Variants in CECR2 observed in about 807,000 individuals in gnomAD.
CECR2 encodes the protein chromatin remodeling regulator CECR2.
CECR2 carries 30 observed loss-of-function variants against 154.5 expected under a neutral mutation model. The ratio of observed to expected loss-of-function variants is 0.19; its 90% confidence interval spans 0.15 to 0.26. CECR2 has a LOEUF of 0.26. Ranked by LOEUF, CECR2 falls within the 10% of genes least tolerant of loss-of-function variation. CECR2 has a pLI of 1.00. For missense variants in CECR2, 1,743 were observed against 1,829.3 expected, an observed-to-expected ratio of 0.95 and a Z score of 0.86; for synonymous variants, 725 against 683.7, an observed-to-expected ratio of 1.06 and a Z score of -0.94.
intron 6 of CECR2, among the ~76,000 whole-genome samples, chr22:17,504,537 C>T (rs1016069682): frequency 3.3e-5 from 5 of 151,528 alleles, no homozygotes; most frequent in Middle Eastern, 3.4e-3. Flanking sequence ...CCCGGGTTCA[C>T]GCCATTCTCC....
intron 1 of CECR2, among the ~76,000 whole-genome samples, chr22:17,469,114 T>TGTGA (rs2055079435): frequency 6.6e-6 from 1 of 152,086 alleles, no homozygotes; most frequent in African/African-American, 2.4e-5. Flanking sequence ...TGTGTGTGTC[T>TGTGA]GTGAGTGTGG....
At chr22:17,499,180 G>A (rs1390356745) in intron 3 of CECR2, among the ~76,000 whole-genome samples, 1 of 151,770 alleles carries the variant, frequency 6.6e-6, no homozygotes, top group East Asian at 1.9e-4. Flanking sequence ...TAGTAGAGGT[G>A]GGGTTTCACC....
rs1189863394 is a variant in CECR2 at position 17,414,456 on chromosome 22, CTT to C, written c.126+44560_126+44561del. 3.0e-3 allele frequency among the ~76,000 whole-genome samples: 357 copies of C among 118,116 alleles called. 5 individuals are homozygous for C. The highest frequency in any genetic ancestry group is 9.7e-3 in the African/African-American group (329 of 33,780). 77.5% of individuals were successfully genotyped at this position (118,116 alleles called of 152,430 possible). The stretch of plus-strand genomic sequence containing the variant: ...AATTTTCTCACTCAGTTTCTTTTTT[CTT>C]TTTTTTTTTTTTAGAACGAAACCCA... On this transcript the variant is annotated intron_variant, in intron 1 of 18. Transcript: ENST00000262608.
At chr22:17,445,583 T>TG (rs2054648573) in intron 1 of CECR2, among the ~76,000 whole-genome samples, 1 of 143,846 alleles carries the variant, frequency 7.0e-6, no homozygotes. Flanking sequence ...ATTATTATTA[T>TG]TATTATTATT....
chr22:17,554,591 T>C lies in CECR2; in HGVS notation c.*1751T>C, dbSNP rs917849303. 2.0e-4 allele frequency: 31 copies of C among 152,204 alleles called. No individual in the cohort carries two copies. The highest frequency in any genetic ancestry group is 7.5e-4 in the African/African-American group (31 of 41,448). The allele number at this position is 152,204 out of a possible 1,614,324, so 9.4% of individuals were successfully genotyped here. ...AAATGCTGAACCTGGTGCTGCTGCC[T>C]AGGGCTCAGGCAGATTTGAGAGTTG... On this transcript the variant is annotated 3_prime_UTR_variant, in exon 19 of 19. Coordinates refer to ENST00000262608, the MANE Select transcript of CECR2 (RefSeq NM_001290047.2).
At position 17,489,470 on chromosome 22, in the gene CECR2, T is replaced by G. The variant is rs2055486038; in HGVS notation, c.222-7933T>G. On this transcript the variant is annotated intron_variant, in intron 2 of 18. Coordinates refer to ENST00000262608, the MANE Select transcript of CECR2 (RefSeq NM_001290047.2). Reference sequence around the variant, plus strand: ...CTTATTTAATTTATTTATTGACTTTTTTGAGACAGGGTTCCCACTCTGTTA... The same window carrying G: ...CTTATTTAATTTATTTATTGACTTTGTTGAGACAGGGTTCCCACTCTGTTA... Among the ~76,000 whole-genome samples the G allele has an allele frequency of 2.6e-5, 4 of 152,328 alleles. No homozygotes were observed. In the South Asian group the frequency reaches 8.3e-4, roughly 32 times the overall value.
At chr22:17,482,635 A>T (rs1000552971) in intron 2 of CECR2, among the ~76,000 whole-genome samples, 1 of 151,686 alleles carries the variant, frequency 6.6e-6, no homozygotes, top group Non-Finnish European at 1.5e-5. Flanking sequence ...CTGGTCTCAA[A>T]CGATCTTCCC....
intron 1 of CECR2, among the ~76,000 whole-genome samples, chr22:17,392,976 G>T (rs934707446): frequency 6.6e-6 from 1 of 152,176 alleles, no homozygotes; most frequent in African/African-American, 2.4e-5. Context: ...GAAGGTGGAG[G>T]TTGCAGTCAG....
intron 1 of CECR2, chr22:17,419,296 C>CTCCA (rs1434325031): frequency 6.3e-6 from 1 of 159,160 alleles, no homozygotes; most frequent in Non-Finnish European, 1.4e-5. Flanking sequence ...AGTGAGAGAA[C>CTCCA]TCCACATCGG....
At chr22:17,510,702 A>T (rs963757728) in intron 7 of CECR2, among the ~76,000 whole-genome samples, 3 of 152,156 alleles carry the variant, frequency 2.0e-5, no homozygotes, top group Non-Finnish European at 2.9e-5. Context: ...GCCAGGTTCA[A>T]GCAATTCTCC....
At chr22:17,527,561 G>A (rs976854707) in intron 9 of CECR2, among the ~76,000 whole-genome samples, 2 of 152,188 alleles carry the variant, frequency 1.3e-5, no homozygotes, top group African/African-American at 4.8e-5. Flanking sequence ...GAGATCAGGA[G>A]TTCAAGACCA....
chr22:17,547,058 A>AC (rs1190865714), intron 16 of CECR2, among the ~76,000 whole-genome samples: 1 of 149,762 alleles, frequency 6.7e-6, no homozygotes, highest in East Asian at 1.9e-4. Flanking sequence ...AAAAAAAAAA[A>AC]AGATTATTTT....
intron 1 of CECR2, among the ~76,000 whole-genome samples, chr22:17,435,877 C>T (rs1280427357): frequency 6.6e-6 from 1 of 152,024 alleles, no homozygotes; most frequent in Non-Finnish European, 1.5e-5. Context: ...TATCAGTCAT[C>T]CTCCAAGGGT....
At chr22:17,422,051 G>C (rs1329957284) in intron 1 of CECR2, among the ~76,000 whole-genome samples, 1 of 151,790 alleles carries the variant, frequency 6.6e-6, no homozygotes, top group African/African-American at 2.4e-5. Context: ...TCTGGTTTCT[G>C]AGAAGTCAGA....
intron 1 of CECR2, among the ~76,000 whole-genome samples, chr22:17,473,517 T>C (rs1321763535): frequency 6.6e-6 from 1 of 152,204 alleles, no homozygotes; most frequent in Non-Finnish European, 1.5e-5. Context: ...CAGCAGGCCA[T>C]ATATTAAAAG....
intron 7 of CECR2, among the ~76,000 whole-genome samples, chr22:17,510,655 G>A (rs1308959490): frequency 5.9e-5 from 9 of 152,178 alleles, no homozygotes; most frequent in African/African-American, 1.9e-4. Flanking sequence ...AGGCTGGAGT[G>A]CAGTGGCATG....
At chr22:17,467,573 G>A (rs2055054248) in intron 1 of CECR2, among the ~76,000 whole-genome samples, 1 of 152,086 alleles carries the variant, frequency 6.6e-6, no homozygotes, top group Admixed American at 6.6e-5. Context: ...CACAAGGTCA[G>A]GAGTTCAAGA....
intron 1 of CECR2, among the ~76,000 whole-genome samples, chr22:17,412,126 TC>T (rs2054076519): frequency 6.6e-6 from 1 of 152,198 alleles, no homozygotes; most frequent in South Asian, 2.1e-4. Flanking sequence ...GCGAGTATTC[TC>T]TAATATCATG....
intron 2 of CECR2, among the ~76,000 whole-genome samples, chr22:17,490,635 G>A (rs181131556): frequency 4.0e-5 from 6 of 151,710 alleles, no homozygotes; most frequent in African/African-American, 1.5e-4. Flanking sequence ...ATTTTTAGTA[G>A]AGACAGGGTT....
Sources: gnomAD v4.1 joint callset for allele counts (sites outside exome capture counted in the v4.1 genomes callset) on GRCh38, gnomAD v4.1.1 for gene constraint, MANE v1.5 for transcripts, NCBI Gene and HGNC (gene_info 2026-07-23, HGNC 2026-07-21) for gene names.